DCHS2: variants seen among roughly 807,000 people sequenced by gnomAD.
The protein encoded by DCHS2 is dachsous cadherin-related 2.
Under a neutral mutation model 182.4 loss-of-function variants are expected in DCHS2, and 142 were observed. The ratio of observed to expected loss-of-function variants is 0.78; its 90% CI spans 0.68 to 0.89. The LOEUF (loss-of-function observed/expected upper bound fraction) is 0.89, where lower values mean the gene tolerates loss of function less well. Ranked by LOEUF, DCHS2 falls within the 40% of genes least tolerant of loss-of-function variation. The pLI, the probability that DCHS2 is intolerant of heterozygous loss-of-function variation, is 0.00. For missense variants in DCHS2, 4,319 were observed against 4,198.6 expected (o/e 1.03, Z -0.79); for synonymous variants, 1,740 against 1,663.3 (o/e 1.05, Z -1.12).
At chr4:154,409,094 G>A (rs1433324501) in intron 1 of DCHS2, among the ~76,000 whole-genome samples, 1 of 152,190 alleles carries the variant, frequency 6.6e-6, no homozygotes, top group Non-Finnish European at 1.5e-5. Context: ...ATGTCCTAGA[G>A]AAACCGAGCA....
chr4:154,447,558 T>C (rs1208033378), intron 1 of DCHS2, among the ~76,000 whole-genome samples: 1 of 152,222 alleles, frequency 6.6e-6, no homozygotes, highest in Non-Finnish European at 1.5e-5. Flanking sequence ...AAAATCACTT[T>C]CAAATGGATT....
At chr4:154,318,200 T>A (rs1279150751) in intron 9 of DCHS2, among the ~76,000 whole-genome samples, 1 of 151,380 alleles carries the variant, frequency 6.6e-6, no homozygotes, top group Non-Finnish European at 1.5e-5. Context: ...TGTGTCTATT[T>A]TATATATATA....
At chr4:154,254,697 C>T (rs1732561762) in intron 16 of DCHS2, among the ~76,000 whole-genome samples, 1 of 152,104 alleles carries the variant, frequency 6.6e-6, no homozygotes, top group Non-Finnish European at 1.5e-5. Context: ...ATTAACCACG[C>T]ATGGTGGCAG....
At chr4:154,248,143 T>G (rs775010785) in intron 16 of DCHS2, among the ~76,000 whole-genome samples, 2 of 152,190 alleles carry the variant, frequency 1.3e-5, no homozygotes, top group Admixed American at 6.5e-5. Flanking sequence ...TATAGCCAAT[T>G]GGGCACTCAG....
chr4:154,442,273 G>C (rs1421781953), intron 1 of DCHS2, among the ~76,000 whole-genome samples: 4 of 151,844 alleles, frequency 2.6e-5, no homozygotes, highest in Non-Finnish European at 5.9e-5. Flanking sequence ...TGACTTTCAG[G>C]GCAGACCTTA....
chr4:154,312,362 C>T (rs6827000), intron 10 of DCHS2, among the ~76,000 whole-genome samples: 2 of 151,802 alleles, frequency 1.3e-5, no homozygotes, highest in African/African-American at 2.4e-5. Context: ...GAAAGAATGA[C>T]GGGGCACGTC....
At chr4:154,314,525 C>T (rs1307215971) in intron 10 of DCHS2, among the ~76,000 whole-genome samples, 1 of 152,116 alleles carries the variant, frequency 6.6e-6, no homozygotes, top group Non-Finnish European at 1.5e-5. Context: ...TTAGTAACAT[C>T]ACATACAAAT....
At chr4:154,298,878 G>T in intron 12 of DCHS2, 170 bp from the exon 13 acceptor site, 2 of 972,546 alleles carry the variant, frequency 2.1e-6, no homozygotes, top group Non-Finnish European at 2.8e-6. Flanking sequence ...GCATGATAAA[G>T]GCTCTGCCCT....
intron 13 of DCHS2, among the ~76,000 whole-genome samples, chr4:154,286,108 C>A (rs1403466914): frequency 2.0e-5 from 3 of 151,908 alleles, no homozygotes; most frequent in Non-Finnish European, 4.4e-5. Flanking sequence ...TGGGTTATAT[C>A]CAGGACCACC....
Position 154,242,743 on chromosome 4 carries a change from A to G in DCHS2, c.6971T>C (p.Met2324Thr), listed in dbSNP as rs1282571614. 1 of 1,612,292 alleles carries G rather than the reference A, an allele frequency of 6.2e-7. No homozygotes were observed. The highest frequency in any genetic ancestry group is 8.5e-7 in the Non-Finnish European group (1 of 1,179,172). The change falls in exon 17 of 20, where the codon ATG (methionine) becomes ACG (threonine). Residue 2324 changes from methionine to threonine, a missense_variant. Met to Thr is a moderately conservative substitution (Grantham distance 81). Coordinates refer to ENST00000357232, the MANE Select transcript of DCHS2 (RefSeq NM_001358235.2). ...TACAGTCGTATTAGAAAGCCTGGGC[A>G]TCCCTTTATCTGTGGCTTGGACAAT... is the stretch of plus-strand genomic sequence containing the variant. ...SLIVQATDKG[M>T]PRLSNTTVIK...
intron 3 of DCHS2, among the ~76,000 whole-genome samples, chr4:154,347,382 A>G (rs1216182011): frequency 6.6e-6 from 1 of 151,328 alleles, no homozygotes; most frequent in Non-Finnish European, 1.5e-5. Flanking sequence ...GCTGGGTTCA[A>G]ATCTTGGTTC....
chr4:154,282,829 A>G (rs1027300920), intron 13 of DCHS2, among the ~76,000 whole-genome samples: 21 of 152,206 alleles, frequency 1.4e-4, no homozygotes, highest in Non-Finnish European at 1.6e-4. Flanking sequence ...TATACATTCA[A>G]TGAAATATTA....
At chr4:154,447,596 AT>A (rs1734356107) in intron 1 of DCHS2, among the ~76,000 whole-genome samples, 1 of 152,136 alleles carries the variant, frequency 6.6e-6, no homozygotes, top group Non-Finnish European at 1.5e-5. Flanking sequence ...ATTTCAAACT[AT>A]TTTTTGCTCT....
At chr4:154,278,431 A>G (rs1733968572) in intron 13 of DCHS2, among the ~76,000 whole-genome samples, 2 of 152,220 alleles carry the variant, frequency 1.3e-5, no homozygotes, top group Admixed American at 1.3e-4. Context: ...AGAGGGAAAC[A>G]AAGGAAAATG....
chr4:154,441,935 A>C (rs1258674092), intron 1 of DCHS2, among the ~76,000 whole-genome samples: 1 of 152,174 alleles, frequency 6.6e-6, no homozygotes, highest in Non-Finnish European at 1.5e-5. Context: ...ACTGGGAAGA[A>C]CTGAGCTTTG....
intron 1 of DCHS2, among the ~76,000 whole-genome samples, chr4:154,451,862 G>A (rs1224236802): frequency 6.6e-6 from 1 of 152,200 alleles, no homozygotes; most frequent in Admixed American, 6.5e-5. Context: ...AAAAGGTCAG[G>A]GGAAGAGATA....
intron 13 of DCHS2, among the ~76,000 whole-genome samples, chr4:154,288,825 C>T (rs1561014104): frequency 6.6e-6 from 1 of 151,980 alleles, no homozygotes; most frequent in African/African-American, 2.4e-5. Flanking sequence ...CCTGAATGAC[C>T]AGTGATTCAA....
intron 1 of DCHS2, among the ~76,000 whole-genome samples, chr4:154,445,825 A>G (rs1237987288): frequency 6.9e-6 from 1 of 145,796 alleles, no homozygotes; most frequent in African/African-American, 2.5e-5. Flanking sequence ...AAAAAAAAAA[A>G]CGAAAGAAAG....
Position 154,298,628 on chromosome 4 carries a change from T to C in DCHS2, c.5686A>G (p.Ile1896Val), listed in dbSNP as rs903447232. 6 of 1,614,062 alleles carry C rather than the reference T, an allele frequency of 3.7e-6. No individual in the cohort carries two copies. Among genetic ancestry groups the C allele is most frequent in the Admixed American group, 3.3e-5 (2 of 60,020 alleles). ...STTRALDREQ[I>V]SNFTLVILCS... ...AGAATGACAAGGGTAAAATTGCTGA[T>C]TTGCTCCCGGTCCAAAGCACGAGTG... The change falls in exon 13 of 20, where the codon ATC becomes GTC. Residue 1896 changes from isoleucine (I) to valine (V), a missense_variant. Coordinates refer to ENST00000357232, the MANE Select transcript of DCHS2 (RefSeq NM_001358235.2).
Sources: gnomAD v4.1 joint callset for allele counts (sites outside exome capture counted in the v4.1 genomes callset) on GRCh38, gnomAD v4.1.1 for gene constraint, MANE v1.5 for transcripts, NCBI Gene and HGNC (gene_info 2026-07-23, HGNC 2026-07-21) for gene names.